PAH: variants seen among roughly 807,000 people sequenced by gnomAD.
PAH encodes phenylalanine hydroxylase, also known as phenylalanine-4-hydroxylase.
Under a neutral mutation model 62.0 loss-of-function variants are expected in PAH, and 64 were observed. That is an observed-to-expected ratio of 1.03 (90% CI 0.84 to 1.27). The LOEUF (loss-of-function observed/expected upper bound fraction) is 1.27, where lower values mean the gene tolerates loss of function less well. Ranked by LOEUF, PAH falls within the 50% of genes most tolerant of loss-of-function variation. PAH has a pLI of 0.00. For missense variants in PAH, 579 were observed against 542.8 expected, an observed-to-expected ratio of 1.07 and a Z score of -0.66; for synonymous variants, 195 against 196.2, an observed-to-expected ratio of 0.99 and a Z score of 0.05.
upstream of PAH, among the ~76,000 whole-genome samples, chr12:102,955,387 A>T (rs1879882376): frequency 1.3e-5 from 2 of 152,156 alleles, no homozygotes; most frequent in African/African-American, 4.8e-5. Context: ...AGGCAGAGGG[A>T]CTTGTTCAAG....
upstream of PAH, among the ~76,000 whole-genome samples, chr12:102,951,261 G>C (rs1371647427): frequency 6.6e-6 from 1 of 152,138 alleles, no homozygotes; most frequent in Non-Finnish European, 1.5e-5. Context: ...GGCACCGCAC[G>C]GGGGCCGGAG....
intron 1 of PAH, among the ~76,000 whole-genome samples, chr12:102,942,140 T>C (rs1879316546): frequency 6.6e-6 from 1 of 152,078 alleles, no homozygotes; most frequent in Non-Finnish European, 1.5e-5. Context: ...TCTCTCTTCA[T>C]AGATGTTATG....
In PAH at chr12:102,840,477, C is replaced by G. The variant is rs79931499; in HGVS notation, c.1238G>C (p.Arg413Pro). 1.4e-5 allele frequency: 23 copies of G among 1,613,846 alleles called. No homozygotes were observed. The East Asian group carries it at 2.7e-4, about 19-fold the overall frequency. Residue 413 changes from arginine (R) to proline (P), a missense_variant, in exon 12 of 13, where the codon CGC (arginine) becomes CCC (proline). By Grantham distance (103) the Arg-to-Pro change is moderately radical. Transcript: ENST00000553106. ...AATIPRPFSV[R>P]YDPYTQRIEV... ...AATCCTTTGGGTGTATGGGTCGTAG[C>G]GAACTGAGAAGGGCCGAGGTATTGT...
At chr12:102,909,860 G>A (rs990878135) in intron 2 of PAH, among the ~76,000 whole-genome samples, 2 of 152,144 alleles carry the variant, frequency 1.3e-5, no homozygotes, top group Non-Finnish European at 2.9e-5. Context: ...TGGGGAGGCT[G>A]AGGCATGAGA....
rs1388319743 is a variant in PAH at position 102,837,010 on chromosome 12, C to A, written c.*2165G>T. Reference sequence around the variant, plus strand: ...TCAGAAACTTATTAAACATCAATGCCACATGCTTAGAATTTTTTATGTATT... The same window carrying A: ...TCAGAAACTTATTAAACATCAATGCAACATGCTTAGAATTTTTTATGTATT... On this transcript the variant is annotated 3_prime_UTR_variant, in exon 13 of 13. Transcript: ENST00000553106. 1.3e-5 allele frequency: 2 copies of A among 152,120 alleles called. No homozygotes were observed. The highest frequency in any genetic ancestry group is 1.5e-5 in the Non-Finnish European group (1 of 68,024). 9.4% of individuals were successfully genotyped at this position (152,120 alleles called of 1,614,324 possible).
At chr12:102,951,315 C>T (rs7314012), upstream of PAH, among the ~76,000 whole-genome samples, 52,758 of 152,046 alleles carry the variant, frequency 0.35, 10,533 homozygotes, top group African/African-American at 0.55. Context: ...AGACTCCTTA[C>T]GGCTCAGGAG....
chr12:102,884,363 A>G (rs532111955), intron 3 of PAH, among the ~76,000 whole-genome samples: 1 of 152,276 alleles, frequency 6.6e-6, no homozygotes, highest in East Asian at 1.9e-4. Context: ...ACCTCAGGAG[A>G]GACCACAGAG....
chr12:102,881,677 A>ATT (rs1477719836), intron 3 of PAH, among the ~76,000 whole-genome samples: 2 of 152,116 alleles, frequency 1.3e-5, no homozygotes, highest in East Asian at 3.9e-4. Flanking sequence ...AATTCAACAC[A>ATT]TTTTGAATTG....
chr12:102,849,638 G>T (rs1379433712), intron 8 of PAH, among the ~76,000 whole-genome samples: 1 of 152,194 alleles, frequency 6.6e-6, no homozygotes, highest in Non-Finnish European at 1.5e-5. Flanking sequence ...AATACTTTCT[G>T]ATTTAGAGTG....
chr12:102,851,080 C>T (rs1343236326), intron 8 of PAH, among the ~76,000 whole-genome samples: 2 of 126,624 alleles, frequency 1.6e-5, no homozygotes, highest in African/African-American at 3.3e-5. Context: ...CAGAGTGAGA[C>T]CTTGCCTTAA....
chr12:102,850,564 G>A (rs1054859661), intron 8 of PAH, among the ~76,000 whole-genome samples: 2 of 152,178 alleles, frequency 1.3e-5, no homozygotes, highest in Non-Finnish European at 2.9e-5. Flanking sequence ...TTCTTTGTGA[G>A]GAAGATGACT....
intron 8 of PAH, among the ~76,000 whole-genome samples, chr12:102,847,817 G>A (rs2136640425): frequency 6.6e-6 from 1 of 152,270 alleles, no homozygotes; most frequent in Admixed American, 6.5e-5. Flanking sequence ...GGAGTTGTTG[G>A]TTATACTGAC....
rs922639027 is a variant in PAH, at chr12:102,851,668, T to TA, written c.912+18dup. ...GGTCACAGACCTATAACTAGAAGGC[T>TA]AAAAAATCCATTCCTTACCTGGGAA... On this transcript the variant is annotated intron_variant, in intron 8 of 12. Coordinates refer to ENST00000553106, the MANE Select transcript of PAH (RefSeq NM_000277.3). 1.9e-6 allele frequency: 3 copies of TA among 1,610,626 alleles called. No individual in the cohort carries two copies. In the African/African-American group the frequency reaches 4.0e-5, roughly 22 times the overall value.
chr12:102,902,351 C>G (rs1011359050), intron 2 of PAH, among the ~76,000 whole-genome samples: 6 of 152,138 alleles, frequency 3.9e-5, no homozygotes, highest in Admixed American at 3.9e-4. Flanking sequence ...GGTTTTCACT[C>G]TGAGTGATAT....
At chr12:102,938,952 G>A (rs1024200939) in intron 1 of PAH, among the ~76,000 whole-genome samples, 2 of 152,094 alleles carry the variant, frequency 1.3e-5, no homozygotes, top group African/African-American at 4.8e-5. Context: ...AACAACTAAC[G>A]GGCTCTCTGC....
rs74486803 is a variant in PAH at position 102,855,315 on chromosome 12, C to A, written c.527G>T (p.Arg176Leu). The change falls in exon 6 of 13, where the codon CGA becomes CTA. Residue 176 changes from arginine to leucine, a missense_variant. Arg to Leu is a moderately radical substitution (Grantham distance 102). Transcript: ENST00000553106. ...CTTTTCTTCCTCCATGTATTCCACT[C>A]GAGGGATGGGCTGCCCACTAGAATA... ...YNYRHGQPIP[R>L]VEYMEEEKKT... 4.7e-5 allele frequency: 76 copies of A among 1,613,912 alleles called. No individual in the cohort carries two copies. The highest frequency in any genetic ancestry group is 2.3e-4 in the Admixed American group (14 of 59,980).
chr12:102,864,601 C>T (rs1875866635), intron 5 of PAH, among the ~76,000 whole-genome samples: 2 of 152,084 alleles, frequency 1.3e-5, no homozygotes, highest in Non-Finnish European at 2.9e-5. Flanking sequence ...ATGTAAAGGA[C>T]ACATGTTGAC....
chr12:102,951,925 G>A (rs1018735650), upstream of PAH, among the ~76,000 whole-genome samples: 7 of 151,792 alleles, frequency 4.6e-5, no homozygotes, highest in African/African-American at 1.7e-4. Context: ...GCTGATGTGC[G>A]GCTCGTTACC....
chr12:102,927,284 T>G (rs960786269), intron 1 of PAH, among the ~76,000 whole-genome samples: 2 of 144,082 alleles, frequency 1.4e-5, no homozygotes, highest in African/African-American at 5.8e-5. Context: ...AAAAAAGTTT[T>G]TTTTTTTTTT....
Sources: gnomAD v4.1 joint callset for allele counts (sites outside exome capture counted in the v4.1 genomes callset) on GRCh38, gnomAD v4.1.1 for gene constraint, MANE v1.5 for transcripts, NCBI Gene and HGNC (gene_info 2026-07-23, HGNC 2026-07-21) for gene names.